MGAT4C: variants seen among roughly 807,000 people sequenced by gnomAD.
MGAT4C encodes alpha-1,3-mannosyl-glycoprotein 4-beta-N-acetylglucosaminyltransferase C.
Under a neutral mutation model 40.1 loss-of-function variants are expected in MGAT4C, and 19 were observed. That is an observed-to-expected ratio of 0.47 (90% CI 0.33 to 0.70). The LOEUF is 0.70. Ranked by LOEUF, MGAT4C falls within the 30% of genes least tolerant of loss-of-function variation. The pLI, the probability that MGAT4C is intolerant of heterozygous loss-of-function variation, is 0.02. For missense variants in MGAT4C, 491 were observed against 563.2 expected (o/e 0.87, Z 1.30); for synonymous variants, 181 against 187.1 (o/e 0.97, Z 0.27).
chr12:86,136,048 G>A lies in MGAT4C; in HGVS notation c.-56-86325C>T, dbSNP rs902960923. Among the ~76,000 whole-genome samples the A allele has an allele frequency of 6.6e-5, 10 of 152,244 alleles. No homozygotes were observed. In the East Asian group the frequency reaches 1.9e-3, roughly 29 times the overall value. On this transcript the variant is annotated intron_variant, in intron 1 of 4. Coordinates refer to ENST00000611864, the MANE Select transcript of MGAT4C (RefSeq NM_001351288.2). ...AATTTATATTATTACTGGAGAATTA[G>A]TTTTGCTTCATTTTCTCATAGATTA... is the stretch of plus-strand genomic sequence containing the variant.
chr12:86,149,512 C>T (rs186614382), intron 1 of MGAT4C, among the ~76,000 whole-genome samples: 192 of 152,238 alleles, frequency 1.3e-3, no homozygotes, highest in Non-Finnish European at 1.0e-3. Context: ...AAGACAAATT[C>T]CAAGCATCTC....
chr12:86,668,771 G>T (rs1964177039), intron 2 of MGAT4C, among the ~76,000 whole-genome samples: 2 of 152,208 alleles, frequency 1.3e-5, no homozygotes, highest in Non-Finnish European at 2.9e-5. Flanking sequence ...TGCTACAGCT[G>T]CAGTTTCTCC....
intron 2 of MGAT4C, among the ~76,000 whole-genome samples, chr12:86,490,595 G>T (rs1037139641): frequency 6.6e-6 from 1 of 151,962 alleles, no homozygotes; most frequent in African/African-American, 2.4e-5. Flanking sequence ...AATGTAAATG[G>T]ACTAAATGCT....
chr12:86,487,828 A>G (rs956147628), intron 2 of MGAT4C, among the ~76,000 whole-genome samples: 1 of 152,180 alleles, frequency 6.6e-6, no homozygotes, highest in African/African-American at 2.4e-5. Flanking sequence ...CTTGACATAA[A>G]TGTTAAAAGT....
chr12:86,121,784 T>C (rs548893873), intron 1 of MGAT4C, among the ~76,000 whole-genome samples: 573 of 152,292 alleles, frequency 3.8e-3, no homozygotes, highest in African/African-American at 0.013. Context: ...TACTAGCCAC[T>C]GCAAAAACAT....
rs532630747 is a variant in MGAT4C at position 85,962,410 on chromosome 12, A to G, written c.*16879T>C. The G allele has an allele frequency of 6.8e-6, 1 of 147,334 alleles. No individual in the cohort carries two copies. The highest frequency in any genetic ancestry group is 1.5e-5 in the Non-Finnish European group (1 of 66,848). The allele number at this position is 147,334 out of a possible 1,614,324, so 9.1% of individuals were successfully genotyped here. ...GAAGTAAAATTATATAATTAATTAT[A>G]TAATTATATAATTATATAAAATTTT... is the stretch of plus-strand genomic sequence containing the variant. On this transcript the variant is annotated 3_prime_UTR_variant, in exon 5 of 5. Coordinates refer to ENST00000611864, the MANE Select transcript of MGAT4C (RefSeq NM_001351288.2).
chr12:86,543,594 A>C (rs1959178929), intron 2 of MGAT4C, among the ~76,000 whole-genome samples: 1 of 152,120 alleles, frequency 6.6e-6, no homozygotes, highest in Admixed American at 6.6e-5. Context: ...AAAAATTCTA[A>C]CATAATTTTT....
intron 1 of MGAT4C, among the ~76,000 whole-genome samples, chr12:86,213,365 C>T (rs181246263): frequency 7.2e-5 from 11 of 152,220 alleles, no homozygotes; most frequent in Admixed American, 4.6e-4. Context: ...ATAGATTGAT[C>T]GGTTCACAGA....
rs554435121 is a variant in MGAT4C at position 86,436,250 on chromosome 12, CAACAA to C, written c.-228-990_-228-986del. On this transcript the variant is annotated intron_variant, in intron 2 of 7. Transcript: ENST00000548651. ...GCAAGTGCAACAAAACAATTTTGTG[CAACAA>C]AACAATTTTGTGCAACAAAACAATT... 3.2e-3 allele frequency among the ~76,000 whole-genome samples: 493 copies of C among 151,788 alleles called. 1 individual carries two copies. The highest frequency in any genetic ancestry group is 0.011 in the African/African-American group (476 of 41,484).
intron 2 of MGAT4C, among the ~76,000 whole-genome samples, chr12:86,581,519 A>G (rs528191117): frequency 6.6e-6 from 1 of 151,566 alleles, no homozygotes; most frequent in East Asian, 1.9e-4. Context: ...CTCCTAATTC[A>G]CAGCACTGCT....
At chr12:86,521,030 T>A (rs1215192644) in intron 2 of MGAT4C, among the ~76,000 whole-genome samples, 2 of 152,202 alleles carry the variant, frequency 1.3e-5, no homozygotes, top group Non-Finnish European at 2.9e-5. Context: ...GTGTGTTCAC[T>A]CTGTAGATAG....
chr12:86,472,022 G>A (rs1043369433), intron 2 of MGAT4C, among the ~76,000 whole-genome samples: 1 of 151,992 alleles, frequency 6.6e-6, no homozygotes, highest in Non-Finnish European at 1.5e-5. Flanking sequence ...AACTGCATAT[G>A]GCAAAGTATT....
chr12:86,124,740 A>G (rs1026680016), intron 1 of MGAT4C, among the ~76,000 whole-genome samples: 1 of 152,136 alleles, frequency 6.6e-6, no homozygotes, highest in African/African-American at 2.4e-5. Flanking sequence ...TGGGAGACTT[A>G]TAGTTTCTAC....
intron 1 of MGAT4C, among the ~76,000 whole-genome samples, chr12:86,788,159 A>G (rs1361633675): frequency 6.6e-6 from 1 of 151,136 alleles, no homozygotes; most frequent in Admixed American, 6.6e-5. Flanking sequence ...ATACATATAC[A>G]CATATATATG....
intron 1 of MGAT4C, among the ~76,000 whole-genome samples, chr12:86,808,363 T>C (rs764588919): frequency 2.6e-5 from 4 of 151,982 alleles, no homozygotes; most frequent in Non-Finnish European, 5.9e-5. Context: ...TGATGAACAT[T>C]AGTGTAAAAA....
intron 2 of MGAT4C, among the ~76,000 whole-genome samples, chr12:86,461,430 A>G (rs886618573): frequency 6.6e-6 from 1 of 151,934 alleles, no homozygotes; most frequent in Non-Finnish European, 1.5e-5. Context: ...TATTTTTAGT[A>G]GAGACGGGGT....
At chr12:85,991,355 G>A (rs1047096987) in intron 2 of MGAT4C, among the ~76,000 whole-genome samples, 1 of 152,130 alleles carries the variant, frequency 6.6e-6, no homozygotes, top group East Asian at 1.9e-4. Flanking sequence ...GCCATGGGCG[G>A]GCCCAGAAAA....
intron 1 of MGAT4C, among the ~76,000 whole-genome samples, chr12:86,824,669 T>C (rs1952769179): frequency 6.9e-6 from 1 of 145,940 alleles, no homozygotes; most frequent in East Asian, 2.0e-4. Context: ...ACACTGAAGG[T>C]ATCTCAGTAA....
At chr12:86,630,026 A>G (rs1962975849) in intron 2 of MGAT4C, among the ~76,000 whole-genome samples, 1 of 152,140 alleles carries the variant, frequency 6.6e-6, no homozygotes, top group South Asian at 2.1e-4. Context: ...AAAGAAGAAA[A>G]GAGAGAAGAA....
Sources: gnomAD v4.1 joint callset for allele counts (sites outside exome capture counted in the v4.1 genomes callset) on GRCh38, gnomAD v4.1.1 for gene constraint, MANE v1.5 for transcripts, NCBI Gene and HGNC (gene_info 2026-07-23, HGNC 2026-07-21) for gene names.